PLPPR1: variants seen among roughly 807,000 people sequenced by gnomAD.
The protein encoded by PLPPR1 is phospholipid phosphatase related 1, also known as phospholipid phosphatase-related protein type 1.
A neutral mutation model predicts 33.1 loss-of-function variants in PLPPR1; 10 were observed. The ratio of observed to expected loss-of-function variants is 0.30; its 90% CI spans 0.19 to 0.51. The LOEUF (loss-of-function observed/expected upper bound fraction) is 0.51. PLPPR1 is among the 20% of genes least tolerant of loss of function. PLPPR1 has a pLI of 0.97. For missense variants in PLPPR1, 304 were observed against 408.1 expected (o/e 0.74, Z 2.20); for synonymous variants, 151 against 151.0 (o/e 1.00, Z 0.00).
intron 1 of PLPPR1, among the ~76,000 whole-genome samples, chr9:101,080,969 G>A (rs1209614272): frequency 1.3e-5 from 2 of 152,046 alleles, no homozygotes; most frequent in South Asian, 2.1e-4. Context: ...CATTGATTCC[G>A]GAGCCTAGTG....
intron 4 of PLPPR1, among the ~76,000 whole-genome samples, chr9:101,294,550 T>A (rs926805858): frequency 2.0e-4 from 30 of 151,916 alleles, no homozygotes; most frequent in East Asian, 7.7e-4. Context: ...GCAAAAATCC[T>A]CAATAAAATA....
At chr9:101,269,583 C>T (rs921868505) in intron 2 of PLPPR1, among the ~76,000 whole-genome samples, 5 of 152,194 alleles carry the variant, frequency 3.3e-5, no homozygotes, top group African/African-American at 1.2e-4. Flanking sequence ...GGTTCCCGTG[C>T]ATACTCTGAG....
At chr9:101,323,058 T>C (rs929530148) in intron 7 of PLPPR1, among the ~76,000 whole-genome samples, 6 of 152,168 alleles carry the variant, frequency 3.9e-5, no homozygotes, top group Non-Finnish European at 7.4e-5. Flanking sequence ...TGATAAAACA[T>C]GTAGAAAGGT....
chr9:101,273,900 C>T (rs1353306520), intron 3 of PLPPR1, among the ~76,000 whole-genome samples: 1 of 152,136 alleles, frequency 6.6e-6, no homozygotes, highest in Non-Finnish European at 1.5e-5. Context: ...TAAAAACATA[C>T]ATCACCAAAA....
intron 1 of PLPPR1, among the ~76,000 whole-genome samples, chr9:101,162,646 C>T (rs1825782142): frequency 6.6e-6 from 1 of 152,202 alleles, no homozygotes. Context: ...AAGTTTGGGA[C>T]ATTCTAGCTT....
chr9:101,195,998 C>T lies in PLPPR1; in HGVS notation c.63+10441C>T, dbSNP rs1056146631. Among the ~76,000 whole-genome samples, 4 of 152,192 alleles carry T rather than the reference C, an allele frequency of 2.6e-5. No individual in the cohort carries two copies. In the East Asian group the frequency reaches 7.7e-4, roughly 29 times the overall value. ...TTGTAAGAACTATAAAAGATAGCAT[C>T]TTGTCTAATGCAGTGTATTATTTTG... On this transcript the variant is annotated intron_variant, in intron 2 of 7. Coordinates refer to ENST00000374874, the MANE Select transcript of PLPPR1 (RefSeq NM_207299.2).
chr9:101,126,343 A>G (rs1361035613), intron 1 of PLPPR1, among the ~76,000 whole-genome samples: 7 of 152,296 alleles, frequency 4.6e-5, no homozygotes, highest in Middle Eastern at 3.4e-3. Flanking sequence ...TTTAGACCAG[A>G]CCTTCTAAGC....
chr9:101,180,079 T>G lies in PLPPR1; in HGVS notation c.-45-5371T>G, dbSNP rs538877655. Among the ~76,000 whole-genome samples, 80 of 127,788 alleles carry G rather than the reference T, an allele frequency of 6.3e-4. 1 individual carries two copies. The highest frequency in any genetic ancestry group is 8.8e-3 in the Middle Eastern group (2 of 226). 83.8% of individuals were successfully genotyped at this position (127,788 alleles called of 152,430 possible). A position where few individuals can be genotyped will look rare whatever the true frequency, so the allele number is the denominator to read the frequency against. The stretch of plus-strand genomic sequence containing the variant: ...ACCATGTGACTGTGTGAGTTAATAC[T>G]TAATAAACTCTCCTTTATATATATA... On this transcript the variant is annotated intron_variant, in intron 1 of 7. Coordinates refer to ENST00000374874, the MANE Select transcript of PLPPR1 (RefSeq NM_207299.2).
At position 101,209,145 on chromosome 9, in the gene PLPPR1, G is replaced by A. The variant is rs904428069; in HGVS notation, c.63+23588G>A. Among the ~76,000 whole-genome samples the A allele has an allele frequency of 3.3e-5, 5 of 152,312 alleles. No homozygotes were observed. In the East Asian group the frequency reaches 9.6e-4, roughly 29 times the overall value. ...AAATGTAATGAATCAGAAAGTCTGT[G>A]GGGTAGGGCCCAGTAATTCGTGTTT... On this transcript the variant is annotated intron_variant, in intron 2 of 7. Transcript: ENST00000374874.
At chr9:101,090,941 A>T (rs768831829) in intron 1 of PLPPR1, among the ~76,000 whole-genome samples, 34 of 148,874 alleles carry the variant, frequency 2.3e-4, no homozygotes, top group Admixed American at 8.0e-4. Context: ...GTCCCTTCCT[A>T]TCCTCCTTCC....
chr9:101,111,141 G>T (rs1159321723), intron 1 of PLPPR1, among the ~76,000 whole-genome samples: 1 of 152,102 alleles, frequency 6.6e-6, no homozygotes, highest in Non-Finnish European at 1.5e-5. Context: ...ATGACTAGCG[G>T]TGGGGTAATG....
chr9:101,035,258 G>A (rs137969378), intron 1 of PLPPR1, among the ~76,000 whole-genome samples: 95 of 152,264 alleles, frequency 6.2e-4, no homozygotes, highest in Admixed American at 1.6e-3. Context: ...AATCCCAGTG[G>A]ATGTGGAAAC....
chr9:101,102,414 C>T (rs1247445586), intron 1 of PLPPR1, among the ~76,000 whole-genome samples: 6 of 74,930 alleles, frequency 8.0e-5, no homozygotes, highest in Non-Finnish European at 1.2e-4. Flanking sequence ...TTTGTTCTTG[C>T]GATAGTTTAC....
At chr9:101,215,604 T>C (rs1826777767) in intron 2 of PLPPR1, among the ~76,000 whole-genome samples, 1 of 152,168 alleles carries the variant, frequency 6.6e-6, no homozygotes, top group African/African-American at 2.4e-5. Context: ...ACTTATGTAC[T>C]CATTTAATCA....
chr9:101,292,530 G>A (rs139796412), intron 4 of PLPPR1, among the ~76,000 whole-genome samples: 2,969 of 149,864 alleles, frequency 0.02, 40 homozygotes, highest in Middle Eastern at 0.069. Flanking sequence ...AATGTTAAGG[G>A]CAGCCAGAGA....
intron 1 of PLPPR1, among the ~76,000 whole-genome samples, chr9:101,158,553 TA>T (rs1831728627): frequency 6.6e-6 from 1 of 152,140 alleles, no homozygotes; most frequent in African/African-American, 2.4e-5. Flanking sequence ...TGACAAAGGA[TA>T]AACTGTCAAG....
At chr9:101,117,990 A>G (rs1383485461) in intron 1 of PLPPR1, among the ~76,000 whole-genome samples, 1 of 152,250 alleles carries the variant, frequency 6.6e-6, no homozygotes, top group Non-Finnish European at 1.5e-5. Context: ...TAGAGACAGA[A>G]TGTGTAAGTT....
chr9:101,090,294 G>C (rs1356957930), intron 1 of PLPPR1, among the ~76,000 whole-genome samples: 2 of 152,020 alleles, frequency 1.3e-5, no homozygotes, highest in Non-Finnish European at 2.9e-5. Flanking sequence ...TATCTTTTTG[G>C]GGGGACATAA....
intron 2 of PLPPR1, among the ~76,000 whole-genome samples, chr9:101,237,658 C>A (rs1246862074): frequency 1.5e-5 from 2 of 132,716 alleles, no homozygotes; most frequent in African/African-American, 5.5e-5. Context: ...CACACACACA[C>A]AAAATTCCAT....
Sources: allele counts gnomAD v4.1 joint callset (sites outside exome capture counted in the v4.1 genomes callset), GRCh38; gene constraint gnomAD v4.1.1; transcripts MANE v1.5; gene names NCBI Gene and HGNC (gene_info 2026-07-23, HGNC 2026-07-21).